The following BCAS3 variants were observed in gnomAD, a reference collection of about 807,000 sequenced individuals.
The protein encoded by BCAS3 is BCAS4/BCAS3 fusion.
A neutral mutation model predicts 116.1 loss-of-function variants in BCAS3; 53 were observed. The ratio of observed to expected loss-of-function variants is 0.46; its 90% confidence interval spans 0.37 to 0.57. The LOEUF (loss-of-function observed/expected upper bound fraction) is 0.57, where lower values mean the gene tolerates loss of function less well. Ranked by LOEUF, BCAS3 falls within the 20% of genes least tolerant of loss-of-function variation. BCAS3 has a pLI of 0.00. For missense variants in BCAS3, 917 were observed against 1,165.4 expected, an observed-to-expected ratio of 0.79 and a Z score of 3.10; for synonymous variants, 391 against 408.2, an observed-to-expected ratio of 0.96 and a Z score of 0.51.
In BCAS3 at chr17:60,967,700, G is replaced by C. The variant is rs914165483; in HGVS notation, c.1221+20348G>C. Reference sequence around the variant, plus strand: ...CTTTTGAGGTAATTGTCTGCATCCTGTTGGTGGTATTCATTCCTTTTTGTT... The same window carrying C: ...CTTTTGAGGTAATTGTCTGCATCCTCTTGGTGGTATTCATTCCTTTTTGTT... On this transcript the variant is annotated intron_variant, in intron 14 of 23. Transcript: ENST00000407086. This position sits in a 1 kb window ranked among gnomAD's most constrained non-coding sequence, Gnocchi z 4.7. 6.6e-6 allele frequency among the ~76,000 whole-genome samples: 1 copy of C among 151,962 alleles called. No homozygotes were observed. Among genetic ancestry groups the C allele is most frequent in the Non-Finnish European group, 1.5e-5 (1 of 67,996 alleles).
At chr17:61,328,062 C>T (rs930050964) in intron 22 of BCAS3, among the ~76,000 whole-genome samples, 4 of 150,738 alleles carry the variant, frequency 2.7e-5, no homozygotes, top group African/African-American at 9.8e-5. Flanking sequence ...ACTGTTGTAA[C>T]GGCAAAGGAA....
chr17:61,366,032 A>G lies in BCAS3; in HGVS notation c.2426-2295A>G, dbSNP rs1428792220. On this transcript the variant is annotated intron_variant, in intron 22 of 23. Transcript: ENST00000407086. The surrounding 1 kb of genome is among the most constrained non-coding windows in gnomAD (Gnocchi z 4.5). ...ATGGCACATGCTTGTAGTCCCAGCT[A>G]CTCGGGAGGCTGAGACACGAGAATC... 6.6e-6 allele frequency among the ~76,000 whole-genome samples: 1 copy of G among 151,720 alleles called. No homozygotes were observed. Among genetic ancestry groups the G allele is most frequent in the African/African-American group, 2.4e-5 (1 of 41,256 alleles).
At chr17:61,287,717 C>A (rs892735336) in intron 22 of BCAS3, among the ~76,000 whole-genome samples, 3 of 151,824 alleles carry the variant, frequency 2.0e-5, no homozygotes, top group African/African-American at 7.3e-5. Context: ...CAGAGTGAGA[C>A]CCTGTGTCAA....
At chr17:60,688,835 GAAAA>G (rs1307960600) in intron 3 of BCAS3, 3 of 150,878 alleles carry the variant, frequency 2.0e-5, no homozygotes, top group African/African-American at 7.3e-5. Context: ...AAAAAAGAAA[GAAAA>G]AAACATGCTT....
rs200061290 is a variant in BCAS3 at position 61,392,109 on chromosome 17, C to T, written c.2726C>T (p.Pro909Leu). Residue 909 changes from proline (P) to leucine (L), a missense_variant, in exon 24 of 24, where the codon CCG becomes CTG. Pro to Leu is a moderately conservative substitution (Grantham distance 98). Transcript: ENST00000407086. The surrounding 1 kb of genome is among the most constrained non-coding windows in gnomAD (Gnocchi z 6.4). Reference protein sequence around the residue: ...TNESQPLSLFPTGFP With the variant: ...TNESQPLSLFLTGFP Reference sequence around the variant, plus strand: ...GAGAGCCAGCCCCTCAGCCTCTTCCCGACTGGCTTCCCGTAGGTACCAGCA... The same window carrying T: ...GAGAGCCAGCCCCTCAGCCTCTTCCTGACTGGCTTCCCGTAGGTACCAGCA... The T allele has an allele frequency of 5.6e-6, 9 of 1,613,318 alleles. No individual in the cohort carries two copies. Among genetic ancestry groups the T allele is most frequent in the Admixed American group, 1.7e-5 (1 of 59,970 alleles).
intron 9 of BCAS3, among the ~76,000 whole-genome samples, chr17:60,880,005 T>G (rs2055966412): frequency 6.6e-6 from 1 of 152,186 alleles, no homozygotes; most frequent in African/African-American, 2.4e-5. Context: ...TACTATGATG[T>G]TTTTAGGGCA....
intron 2 of BCAS3, among the ~76,000 whole-genome samples, chr17:60,680,150 AAG>A (rs1555653643): frequency 1.5e-4 from 23 of 149,298 alleles, no homozygotes; most frequent in African/African-American, 2.8e-4. Context: ...AAAAAAAAAA[AAG>A]AAAGAAAATG....
In BCAS3 at chr17:61,134,839, C is replaced by T. The variant is rs533694557; in HGVS notation, c.2425+50275C>T. On this transcript the variant is annotated intron_variant, in intron 22 of 23. Transcript: ENST00000407086. The surrounding 1 kb of genome is among the most constrained non-coding windows in gnomAD (Gnocchi z 4.6). ...TCAGCCACATCAAAGATCCAAAACA[C>T]GGGTTTTAAGATTTCAAATGGTTAA... 1.4e-4 allele frequency among the ~76,000 whole-genome samples: 21 copies of T among 152,114 alleles called. No individual in the cohort carries two copies. Among genetic ancestry groups the T allele is most frequent in the African/African-American group, 4.3e-4 (18 of 41,520 alleles).
At chr17:60,955,376 G>A (rs1004953676) in intron 14 of BCAS3, among the ~76,000 whole-genome samples, 7 of 141,088 alleles carry the variant, frequency 5.0e-5, no homozygotes, top group African/African-American at 2.2e-4. Context: ...ATCTAGTTCA[G>A]GGAAACTGAA....
chr17:60,981,580 G>T (rs2062817663), intron 14 of BCAS3, among the ~76,000 whole-genome samples: 1 of 152,218 alleles, frequency 6.6e-6, no homozygotes, highest in South Asian at 2.1e-4. Context: ...ACTGTGCCCA[G>T]CCACAAGAGT....
At chr17:61,262,557 T>C (rs2049305758) in intron 22 of BCAS3, among the ~76,000 whole-genome samples, 1 of 152,114 alleles carries the variant, frequency 6.6e-6, no homozygotes, top group South Asian at 2.1e-4. Context: ...ATTTTTGTAT[T>C]GTTAGTAGAG....
At chr17:61,121,733 A>G (rs1744068750) in intron 22 of BCAS3, among the ~76,000 whole-genome samples, 1 of 152,134 alleles carries the variant, frequency 6.6e-6, no homozygotes, top group African/African-American at 2.4e-5. Context: ...CATCTATTTT[A>G]TATGTGTGTG....
rs1431309000 is a variant in BCAS3, at chr17:61,279,483, C to T, written c.2426-88844C>T. ...CTTGAAGAGCAGCTTCTGCCTAGCC[C>T]ATGGTGGCTAAGAGATTCACAAGCC... On this transcript the variant is annotated intron_variant, in intron 22 of 23. Coordinates refer to ENST00000407086, the MANE Select transcript of BCAS3 (RefSeq NM_017679.5). The surrounding 1 kb of genome is among the most constrained non-coding windows in gnomAD (Gnocchi z 4.4). 6.6e-6 allele frequency among the ~76,000 whole-genome samples: 1 copy of T among 152,066 alleles called. No individual in the cohort carries two copies. The highest frequency in any genetic ancestry group is 6.6e-5 in the Admixed American group (1 of 15,240).
At chr17:61,231,405 CT>C (rs2082671958) in intron 22 of BCAS3, among the ~76,000 whole-genome samples, 1 of 152,096 alleles carries the variant, frequency 6.6e-6, no homozygotes, top group Non-Finnish European at 1.5e-5. Context: ...TTGATAGTGT[CT>C]TTTTATTGCT....
At chr17:60,680,326 A>T (rs2032852679) in intron 2 of BCAS3, among the ~76,000 whole-genome samples, 1 of 152,122 alleles carries the variant, frequency 6.6e-6, no homozygotes, top group Non-Finnish European at 1.5e-5. Flanking sequence ...GGTTTGTTAT[A>T]TAGGGAAACT....
At chr17:60,886,735 G>T (rs976957517) in intron 9 of BCAS3, among the ~76,000 whole-genome samples, 3 of 152,102 alleles carry the variant, frequency 2.0e-5, no homozygotes, top group Non-Finnish European at 4.4e-5. Flanking sequence ...CTGCTGGGGG[G>T]TGCCTCCCAG....
chr17:60,864,174 G>A (rs1034446409), intron 7 of BCAS3, among the ~76,000 whole-genome samples: 2 of 152,184 alleles, frequency 1.3e-5, no homozygotes, highest in Non-Finnish European at 2.9e-5. Context: ...GAATCAAGGA[G>A]CCACCTCTTT....
In BCAS3 at chr17:61,034,532, A is replaced by T; in HGVS notation, c.1638-134A>T. The T allele has an allele frequency of 2.7e-6, 2 of 743,496 alleles. No individual in the cohort carries two copies. Among genetic ancestry groups the T allele is most frequent in the Non-Finnish European group, 4.1e-6 (2 of 484,150 alleles). 46.1% of individuals were successfully genotyped at this position (743,496 alleles called of 1,614,324 possible). On this transcript the variant is annotated intron_variant, in intron 16 of 23. Coordinates refer to ENST00000407086, the MANE Select transcript of BCAS3 (RefSeq NM_017679.5). This position sits in a 1 kb window ranked among gnomAD's most constrained non-coding sequence, Gnocchi z 5.0. ...AGAACATAGTCTCACATCACCATTT[A>T]TTACTTAAGGCAAAATGCATGTTCA...
chr17:61,381,142 A>C lies in BCAS3; in HGVS notation c.2594-10835A>C, dbSNP rs1326187595. 6.6e-6 allele frequency among the ~76,000 whole-genome samples: 1 copy of C among 152,186 alleles called. No individual in the cohort carries two copies. Among genetic ancestry groups the C allele is most frequent in the Non-Finnish European group, 1.5e-5 (1 of 68,030 alleles). The stretch of plus-strand genomic sequence containing the variant: ...CAGCCTTGTGATAAACATTTGGTTA[A>C]CCCCTTCCTACCCACGGGAGGACTG... On this transcript the variant is annotated intron_variant, in intron 23 of 23. Transcript: ENST00000407086. The surrounding 1 kb of genome is among the most constrained non-coding windows in gnomAD (Gnocchi z 6.0).
Sources: gnomAD v4.1 joint callset for allele counts (sites outside exome capture counted in the v4.1 genomes callset) on GRCh38, gnomAD v4.1.1 for gene constraint, Gnocchi (gnomAD v3.1) non-coding constraint, MANE v1.5 for transcripts, NCBI Gene and HGNC (gene_info 2026-07-23, HGNC 2026-07-21) for gene names.